LDB2: variants seen among roughly 807,000 people sequenced by gnomAD.
LDB2 encodes the protein LIM domain-binding protein 2.
A neutral mutation model predicts 44.3 loss-of-function variants in LDB2; 12 were observed. The observed-to-expected ratio is 0.27, with a 90% CI of 0.17 to 0.44. LDB2 has a LOEUF of 0.44. Ranked by LOEUF, LDB2 falls within the 20% of genes least tolerant of loss-of-function variation. The pLI is 1.00. For missense variants in LDB2, 344 were observed against 473.5 expected (o/e 0.73, Z 2.54); for synonymous variants, 164 against 174.8 (o/e 0.94, Z 0.49).
Position 16,847,595 on chromosome 4 carries a change from A to AGGTT in LDB2, c.132+50758_132+50759insAACC, listed in dbSNP as rs757458020. Among the ~76,000 whole-genome samples, 1,096 of 141,804 alleles carry AGGTT rather than the reference A, an allele frequency of 7.7e-3. 17 individuals carry two copies. The highest frequency in any genetic ancestry group is 0.027 in the African/African-American group (1,045 of 39,286). 93.0% of individuals were successfully genotyped at this position (141,804 alleles called of 152,430 possible). ...ATCATTGGTAAAGGTTCTTTAACACATGTTTGTTTGTTTGTTTGTTTGTTT... is the reference window on the plus strand; with the variant it reads ...ATCATTGGTAAAGGTTCTTTAACACAGGTTTGTTTGTTTGTTTGTTTGTTTGTTT... On this transcript the variant is annotated intron_variant, in intron 1 of 7. Coordinates refer to ENST00000304523, the MANE Select transcript of LDB2 (RefSeq NM_001290.5).
At chr4:16,722,419 A>T (rs1337810142) in intron 2 of LDB2, among the ~76,000 whole-genome samples, 1 of 152,130 alleles carries the variant, frequency 6.6e-6, no homozygotes, top group Non-Finnish European at 1.5e-5. Context: ...CCCTCTCAGG[A>T]CACCTCTCAG....
intron 2 of LDB2, among the ~76,000 whole-genome samples, chr4:16,735,010 G>T (rs536157394): frequency 6.6e-6 from 1 of 152,240 alleles, no homozygotes; most frequent in African/African-American, 2.4e-5. Flanking sequence ...GACCTGGCCA[G>T]CTGCTTCCCA....
At chr4:16,742,560 A>T (rs112877203) in intron 2 of LDB2, among the ~76,000 whole-genome samples, 1 of 152,166 alleles carries the variant, frequency 6.6e-6, no homozygotes, top group South Asian at 2.1e-4. Context: ...GGTGGAGAAG[A>T]AAGACTTTTT....
intron 5 of LDB2, among the ~76,000 whole-genome samples, chr4:16,527,570 C>T (rs1415123092): frequency 1.3e-5 from 2 of 152,078 alleles, no homozygotes; most frequent in Admixed American, 6.6e-5. Flanking sequence ...CTAGCAGTCC[C>T]ATGTACCCAG....
At chr4:16,857,968 A>G (rs1789696440) in intron 1 of LDB2, among the ~76,000 whole-genome samples, 1 of 152,032 alleles carries the variant, frequency 6.6e-6, no homozygotes, top group Non-Finnish European at 1.5e-5. Flanking sequence ...TGTTCAATAA[A>G]TATATTGACT....
chr4:16,827,309 T>A (rs981448228), intron 1 of LDB2, among the ~76,000 whole-genome samples: 1 of 152,030 alleles, frequency 6.6e-6, no homozygotes, highest in African/African-American at 2.4e-5. Context: ...TGGATACAGG[T>A]TGAGATTTTA....
chr4:16,512,440 TAAAAACAAACAAAACAAAAC>T (rs1393772381), intron 5 of LDB2, among the ~76,000 whole-genome samples: 10 of 45,650 alleles, frequency 2.2e-4, no homozygotes, highest in East Asian at 1.1e-3. Flanking sequence ...TCTTTCTGGT[TAAAAACAAACAAAACAAAAC>T]AAAAACAAAC....
At chr4:16,544,862 A>G (rs999832455) in intron 5 of LDB2, among the ~76,000 whole-genome samples, 17 of 152,166 alleles carry the variant, frequency 1.1e-4, no homozygotes, top group Non-Finnish European at 2.9e-5. Flanking sequence ...TTAATAAATG[A>G]AGGAGTTGTC....
At chr4:16,522,026 T>A (rs1180685883) in intron 5 of LDB2, among the ~76,000 whole-genome samples, 1 of 152,154 alleles carries the variant, frequency 6.6e-6, no homozygotes, top group Non-Finnish European at 1.5e-5. Context: ...CTTAATCTCT[T>A]GGTGTTTCAG....
chr4:16,576,370 C>A (rs1318967157), intron 5 of LDB2, among the ~76,000 whole-genome samples: 2 of 150,976 alleles, frequency 1.3e-5, no homozygotes, highest in South Asian at 4.2e-4. Context: ...ACAGTAGAAC[C>A]AAATAAATAA....
At chr4:16,826,952 C>T (rs1783166783) in intron 1 of LDB2, among the ~76,000 whole-genome samples, 1 of 152,128 alleles carries the variant, frequency 6.6e-6, no homozygotes, top group Non-Finnish European at 1.5e-5. Context: ...CTAAACTAGG[C>T]TTGATTGGTG....
intron 1 of LDB2, among the ~76,000 whole-genome samples, chr4:16,820,555 G>A (rs1781756025): frequency 6.6e-6 from 1 of 152,192 alleles, no homozygotes; most frequent in Admixed American, 6.5e-5. Flanking sequence ...ATGGCAGGAA[G>A]GAGTCAGCCC....
At chr4:16,869,667 C>T (rs944001589) in intron 1 of LDB2, among the ~76,000 whole-genome samples, 8 of 152,154 alleles carry the variant, frequency 5.3e-5, no homozygotes, top group African/African-American at 1.4e-4. Flanking sequence ...AACCACTGCA[C>T]CATGGGTGTT....
At chr4:16,613,625 T>A (rs914788940) in intron 2 of LDB2, among the ~76,000 whole-genome samples, 2 of 151,916 alleles carry the variant, frequency 1.3e-5, no homozygotes, top group Non-Finnish European at 2.9e-5. Context: ...ACACCAACAA[T>A]AGGCATGCAG....
At chr4:16,805,721 G>A (rs1193133309) in intron 1 of LDB2, among the ~76,000 whole-genome samples, 2 of 152,188 alleles carry the variant, frequency 1.3e-5, no homozygotes, top group Admixed American at 6.5e-5. Flanking sequence ...TTACAGGGAC[G>A]AAAGATGATT....
chr4:16,514,153 A>T (rs1722806464), intron 5 of LDB2, among the ~76,000 whole-genome samples: 1 of 152,156 alleles, frequency 6.6e-6, no homozygotes, highest in Non-Finnish European at 1.5e-5. Flanking sequence ...TGCATTCCTC[A>T]TTGAGCCTAA....
intron 2 of LDB2, among the ~76,000 whole-genome samples, chr4:16,693,118 T>G (rs968526375): frequency 1.3e-5 from 2 of 152,254 alleles, no homozygotes; most frequent in Admixed American, 6.5e-5. Context: ...AGGCAGGATA[T>G]TGGCAGTGGA....
chr4:16,514,321 A>T (rs1722859920), intron 5 of LDB2, among the ~76,000 whole-genome samples: 1 of 152,198 alleles, frequency 6.6e-6, no homozygotes, highest in Admixed American at 6.5e-5. Context: ...AAAAGGAATC[A>T]CACTTTTGTA....
chr4:16,861,749 T>C (rs994962078), intron 1 of LDB2, among the ~76,000 whole-genome samples: 7 of 152,188 alleles, frequency 4.6e-5, no homozygotes, highest in African/African-American at 1.7e-4. Flanking sequence ...CCTAGCCATA[T>C]GGTAGCAACA....
Sources: allele counts gnomAD v4.1 joint callset (sites outside exome capture counted in the v4.1 genomes callset), GRCh38; gene constraint gnomAD v4.1.1; transcripts MANE v1.5; gene names NCBI Gene and HGNC (gene_info 2026-07-23, HGNC 2026-07-21).